Variants in DRD2 observed in about 807,000 individuals in gnomAD.
DRD2 encodes the protein dopamine receptor D2.
In DRD2, 8 loss-of-function variants were observed where a neutral mutation model predicts 38.0. The observed-to-expected ratio is 0.21, with a 90% CI of 0.12 to 0.38. The LOEUF (loss-of-function observed/expected upper bound fraction) is 0.38, where lower values mean the gene tolerates loss of function less well. Ranked by LOEUF, DRD2 falls within the 10% of genes least tolerant of loss-of-function variation. DRD2 has a pLI of 1.00. For missense variants in DRD2, 403 were observed against 607.7 expected (o/e 0.66, Z 3.54); for synonymous variants, 230 against 238.6 (o/e 0.96, Z 0.33).
chr11:113,425,556 T>C (rs547895439), intron 1 of DRD2, among the ~76,000 whole-genome samples: 2 of 152,154 alleles, frequency 1.3e-5, no homozygotes, highest in Non-Finnish European at 2.9e-5. Context: ...ATGATCAGAT[T>C]CGCCTTTCGA....
At chr11:113,468,339 GAT>G (rs1280533763) in intron 1 of DRD2, among the ~76,000 whole-genome samples, 1 of 152,092 alleles carries the variant, frequency 6.6e-6, no homozygotes, top group Admixed American at 6.5e-5. Context: ...ACTAAATATT[GAT>G]ATATGTCATT....
intron 1 of DRD2, among the ~76,000 whole-genome samples, chr11:113,452,489 C>T (rs1426581115): frequency 7.1e-6 from 1 of 141,518 alleles, no homozygotes; most frequent in African/African-American, 2.6e-5. Context: ...CGCGCGCGCA[C>T]ATTGGGGGAC....
At position 113,415,616 on chromosome 11, in the gene DRD2, G is replaced by A. The variant is rs913088665; in HGVS notation, c.533-5C>T. On this transcript the variant is annotated splice_polypyrimidine_tract_variant and splice_region_variant and intron_variant, in intron 4 of 7. Coordinates refer to ENST00000362072, the MANE Select transcript of DRD2 (RefSeq NM_000795.4). ...CAATGATGCACTCGTTCTGGTCTGG[G>A]GGAGGGAGAGCCCGGGCAGGCAGGG... The A allele has an allele frequency of 1.9e-6, 3 of 1,609,802 alleles. No individual in the cohort carries two copies. In the African/African-American group the frequency reaches 4.0e-5, roughly 22 times the overall value.
intron 2 of DRD2, among the ~76,000 whole-genome samples, chr11:113,419,243 C>T (rs116658985): frequency 0.02 from 3,089 of 152,252 alleles, 110 homozygotes; most frequent in African/African-American, 0.071. Context: ...GATGAAGACT[C>T]GCCATGAAAC....
chr11:113,473,508 C>T (rs1195574064), intron 1 of DRD2, among the ~76,000 whole-genome samples: 2 of 152,178 alleles, frequency 1.3e-5, no homozygotes, highest in African/African-American at 4.8e-5. Flanking sequence ...TTTCTGGGCA[C>T]CTCAGGCTGT....
intron 4 of DRD2, among the ~76,000 whole-genome samples, chr11:113,416,027 G>A (rs1036714155): frequency 3.3e-5 from 5 of 152,218 alleles, no homozygotes; most frequent in South Asian, 2.1e-4. Flanking sequence ...TTTGCAGCAA[G>A]ATAACTTGGC....
chr11:113,453,313 C>T (rs1224887101), intron 1 of DRD2, among the ~76,000 whole-genome samples: 1 of 152,092 alleles, frequency 6.6e-6, no homozygotes, highest in Non-Finnish European at 1.5e-5. Context: ...AGTATCTACC[C>T]CATTGGGGTA....
chr11:113,416,399 G>C (rs1460099409), intron 4 of DRD2, among the ~76,000 whole-genome samples: 1 of 152,168 alleles, frequency 6.6e-6, no homozygotes, highest in Non-Finnish European at 1.5e-5. Flanking sequence ...TTCACTTCTA[G>C]CTTTCCTGCT....
chr11:113,424,276 T>C lies in DRD2; in HGVS notation c.285+91A>G, dbSNP rs12808482. On this transcript the variant is annotated intron_variant, in intron 2 of 7. Coordinates refer to ENST00000362072, the MANE Select transcript of DRD2 (RefSeq NM_000795.4). The stretch of plus-strand genomic sequence containing the variant: ...ACCTGGGGAAGCACCAGGAAACTCA[T>C]TGGTAAAAGCCAGTGGGGAGCTAGA... 5.2e-4 allele frequency: 752 copies of C among 1,432,832 alleles called. No homozygotes were observed. The African/African-American group carries it at 8.2e-3, about 16-fold the overall frequency. 88.8% of individuals were successfully genotyped at this position (1,432,832 alleles called of 1,614,324 possible). A position where few individuals can be genotyped will look rare whatever the true frequency, so the allele number is the denominator to read the frequency against.
At chr11:113,462,323 G>A (rs1485671379) in intron 1 of DRD2, among the ~76,000 whole-genome samples, 2 of 152,078 alleles carry the variant, frequency 1.3e-5, no homozygotes, top group African/African-American at 2.4e-5. Context: ...ATGTCCACCC[G>A]GAAGCTCAGA....
chr11:113,460,855 T>C (rs764735757), intron 1 of DRD2, among the ~76,000 whole-genome samples: 1 of 152,208 alleles, frequency 6.6e-6, no homozygotes, highest in African/African-American at 2.4e-5. Context: ...GAAGGCCCAA[T>C]GCCAAGTCCC....
intron 2 of DRD2, 97 bp from the exon 3 acceptor site, chr11:113,418,233 C>G: frequency 1.0e-6 from 1 of 980,996 alleles, no homozygotes; most frequent in South Asian, 1.4e-5. Context: ...GCCACAGACT[C>G]AGGAGGCAGC....
chr11:113,458,125 A>AAAACAGG (rs1159571335), intron 1 of DRD2, among the ~76,000 whole-genome samples: 1 of 152,290 alleles, frequency 6.6e-6, no homozygotes, highest in African/African-American at 2.4e-5. Context: ...TAGAAAAACA[A>AAAACAGG]CTGCCTGAGG....
At chr11:113,433,963 C>A (rs145040799) in intron 1 of DRD2, among the ~76,000 whole-genome samples, 231 of 152,322 alleles carry the variant, frequency 1.5e-3, no homozygotes, top group African/African-American at 5.3e-3. Flanking sequence ...GCCACATGCA[C>A]CCTCCTTGAG....
intron 2 of DRD2, among the ~76,000 whole-genome samples, chr11:113,419,258 A>G (rs1950858082): frequency 6.6e-6 from 1 of 152,196 alleles, no homozygotes; most frequent in African/African-American, 2.4e-5. Context: ...TGAAACAGAG[A>G]AGAAATTTCT....
intron 2 of DRD2, among the ~76,000 whole-genome samples, chr11:113,420,626 C>A (rs1401570184): frequency 5.3e-5 from 8 of 152,200 alleles, no homozygotes; most frequent in African/African-American, 1.9e-4. Flanking sequence ...AGGTGTGCAG[C>A]AGAGCTGGAA....
chr11:113,449,393 G>T (rs1453867496), intron 1 of DRD2, among the ~76,000 whole-genome samples: 1 of 152,120 alleles, frequency 6.6e-6, no homozygotes, highest in Non-Finnish European at 1.5e-5. Flanking sequence ...AAACTGAGAT[G>T]CCCTGGGAAA....
At position 113,415,546 on chromosome 11, in the gene DRD2, C is replaced by T. The variant is rs138509142; in HGVS notation, c.598G>A (p.Val200Met). ...ACCAGCAGGGTGACAATGAAGGGCA[C>T]GTAGAAGGAGACGATGGAGGAGTAG... is the stretch of plus-strand genomic sequence containing the variant. ...VVYSSIVSFY[V>M]PFIVTLLVYI... Residue 200 changes from valine (V) to methionine (M), a missense_variant, in exon 5 of 8, where the codon GTG (valine) becomes ATG (methionine). This residue lies in a region of DRD2 where 8 missense variants were observed against 38.6 expected (regional missense o/e 0.21). Transcript: ENST00000362072. 94 of 1,614,008 alleles carry T rather than the reference C, an allele frequency of 5.8e-5. No homozygotes were observed. Among genetic ancestry groups the T allele is most frequent in the East Asian group, 4.5e-4 (20 of 44,868 alleles).
In DRD2 at chr11:113,410,796, C is replaced by T. The variant is rs202151925; in HGVS notation, c.1263G>A (p.Val421=). The T allele has an allele frequency of 5.3e-5, 86 of 1,614,036 alleles. 2 individuals are homozygous for T. In the South Asian group the frequency reaches 9.3e-4, roughly 18 times the overall value. Residue 421 remains valine (V), a synonymous_variant, in exon 8 of 8, where the codon GTG becomes GTA. Coordinates refer to ENST00000362072, the MANE Select transcript of DRD2 (RefSeq NM_000795.4). ...FTWLGYVNSA[V]NPIIYTTFNI... ...TGAAGGTGGTGTAGATGATGGGGTT[C>T]ACGGCGCTGTTGACATAGCCCAGCC...
Sources: allele counts gnomAD v4.1 joint callset (sites outside exome capture counted in the v4.1 genomes callset), GRCh38; gene constraint gnomAD v4.1.1; regional missense constraint gnomAD v4.1.1; transcripts MANE v1.5; gene names NCBI Gene and HGNC (gene_info 2026-07-23, HGNC 2026-07-21).